Variants in ST6GAL1 observed in about 807,000 individuals in gnomAD.
ST6GAL1 encodes the protein beta-galactoside alpha-2,6-sialyltransferase 1.
A neutral mutation model predicts 38.0 loss-of-function variants in ST6GAL1; 20 were observed. The observed-to-expected ratio is 0.53, with a 90% CI of 0.37 to 0.77. ST6GAL1 has a LOEUF of 0.77. Among genes scored for constraint, ST6GAL1 ranks in the 30% least tolerant of loss-of-function variants. The pLI, the probability that ST6GAL1 is intolerant of heterozygous loss-of-function variation, is 0.00. For synonymous variants in ST6GAL1, 196 were observed against 188.2 expected, an observed-to-expected ratio of 1.04 and a Z score of -0.34; for missense variants, 432 against 496.4, an observed-to-expected ratio of 0.87 and a Z score of 1.23.
At chr3:186,988,561 G>C (rs1274559223) in intron 2 of ST6GAL1, among the ~76,000 whole-genome samples, 1 of 147,568 alleles carries the variant, frequency 6.8e-6, no homozygotes, top group Admixed American at 6.7e-5. Flanking sequence ...TGTGTGTTTT[G>C]GGGTGGGGGG....
intron 2 of ST6GAL1, among the ~76,000 whole-genome samples, chr3:187,007,315 T>C (rs893654958): frequency 1.3e-5 from 2 of 152,226 alleles, no homozygotes; most frequent in African/African-American, 4.8e-5. Flanking sequence ...ACAAAAGTCC[T>C]GGGCACACTA....
intron 1 of ST6GAL1, among the ~76,000 whole-genome samples, chr3:186,946,377 A>G (rs1714371061): frequency 6.7e-6 from 1 of 150,240 alleles, no homozygotes; most frequent in South Asian, 2.1e-4. Context: ...TTACTTTTAA[A>G]AAACTTATTA....
At chr3:187,057,562 T>G (rs1041038295) in intron 5 of ST6GAL1, among the ~76,000 whole-genome samples, 2 of 152,226 alleles carry the variant, frequency 1.3e-5, no homozygotes, top group African/African-American at 2.4e-5. Flanking sequence ...GCTGCAGGTC[T>G]GTTGGAGTTT....
intron 2 of ST6GAL1, among the ~76,000 whole-genome samples, chr3:186,995,679 A>C (rs1716379997): frequency 6.6e-6 from 1 of 151,458 alleles, no homozygotes; most frequent in Non-Finnish European, 1.5e-5. Flanking sequence ...CCCCATCTCT[A>C]CTAAACATAC....
At chr3:187,049,406 C>T (rs961969000) in intron 4 of ST6GAL1, among the ~76,000 whole-genome samples, 4 of 152,218 alleles carry the variant, frequency 2.6e-5, no homozygotes, top group Admixed American at 6.5e-5. Flanking sequence ...CAGTCTTGGT[C>T]CTGCTCTGTC....
chr3:187,036,866 C>CAT (rs764704821), intron 2 of ST6GAL1, among the ~76,000 whole-genome samples: 4 of 152,188 alleles, frequency 2.6e-5, no homozygotes, highest in Non-Finnish European at 5.9e-5. Flanking sequence ...AGCCTGCATA[C>CAT]ATACCCCCTG....
intron 1 of ST6GAL1, among the ~76,000 whole-genome samples, chr3:186,951,051 T>TTA (rs202030555): frequency 0.036 from 5,551 of 152,310 alleles, 146 homozygotes; most frequent in East Asian, 0.068. Context: ...TCATCCTGAA[T>TTA]GGTCCCACTC....
At chr3:187,073,993 C>A (rs566021186) in intron 6 of ST6GAL1, 166 bp from the exon 7 acceptor site, 7 of 567,764 alleles carry the variant, frequency 1.2e-5, no homozygotes, top group Non-Finnish European at 1.7e-5. Flanking sequence ...GTGAAACCTG[C>A]GGCTGGAAGA....
intron 1 of ST6GAL1, among the ~76,000 whole-genome samples, chr3:186,934,830 A>G (rs1440270655): frequency 2.0e-5 from 3 of 151,674 alleles, no homozygotes; most frequent in African/African-American, 7.3e-5. Context: ...GCAGTGGTGC[A>G]ATCTCGGCTC....
chr3:186,997,690 G>A (rs1282983714), intron 2 of ST6GAL1, among the ~76,000 whole-genome samples: 1 of 152,002 alleles, frequency 6.6e-6, no homozygotes, highest in Non-Finnish European at 1.5e-5. Context: ...CTGCGAGATC[G>A]AGGCTGCAGT....
At chr3:186,967,575 A>G (rs60378277) in intron 2 of ST6GAL1, among the ~76,000 whole-genome samples, 3,959 of 152,206 alleles carry the variant, frequency 0.026, 174 homozygotes, top group African/African-American at 0.09. Flanking sequence ...TTTGGAAGAT[A>G]CCTACTGAGG....
intron 2 of ST6GAL1, among the ~76,000 whole-genome samples, chr3:187,037,729 C>T (rs572740614): frequency 1.4e-4 from 22 of 152,068 alleles, no homozygotes; most frequent in African/African-American, 3.9e-4. Flanking sequence ...CAGGCATGCA[C>T]GCCTGGCTTA....
chr3:187,058,744 C>A (rs3774263), intron 5 of ST6GAL1, among the ~76,000 whole-genome samples: 1 of 151,744 alleles, frequency 6.6e-6, no homozygotes, highest in African/African-American at 2.4e-5. Flanking sequence ...TGGGTTCAAG[C>A]GATCCTCTTG....
chr3:187,070,669 C>T (rs1294208421), intron 5 of ST6GAL1, among the ~76,000 whole-genome samples: 4 of 151,960 alleles, frequency 2.6e-5, no homozygotes, highest in East Asian at 1.9e-4. Flanking sequence ...GTGATCCACC[C>T]GCCTCGGCCT....
intron 1 of ST6GAL1, among the ~76,000 whole-genome samples, chr3:186,936,564 CTAAG>C (rs547874797): frequency 1.3e-5 from 2 of 152,178 alleles, no homozygotes; most frequent in Non-Finnish European, 2.9e-5. Context: ...AGATGATTTT[CTAAG>C]TAATTATTAC....
chr3:186,985,592 C>T (rs1230939538), intron 2 of ST6GAL1, among the ~76,000 whole-genome samples: 4 of 147,244 alleles, frequency 2.7e-5, no homozygotes, highest in Admixed American at 6.8e-5. Flanking sequence ...GGCGAAACCC[C>T]GTCTCTTCAA....
chr3:186,993,138 T>A (rs2108546943), intron 2 of ST6GAL1, among the ~76,000 whole-genome samples: 1 of 152,300 alleles, frequency 6.6e-6, no homozygotes, highest in Non-Finnish European at 1.5e-5. Flanking sequence ...GGGTGGGGGC[T>A]GCCTTTGCAG....
chr3:187,043,309 CGGTATGTTCTGG>C lies in ST6GAL1; in HGVS notation c.607+3_607+14del. On this transcript the variant is annotated splice_donor_variant and splice_donor_5th_base_variant and coding_sequence_variant and intron_variant, in exon 4 of 8. Coordinates refer to ENST00000169298, the MANE Select transcript of ST6GAL1 (RefSeq NM_173216.2). LOFTEE classifies it high-confidence loss of function. Reference sequence around the variant, plus strand: ...AGTCCTCCCAACTAGGCAGAGAAATCGGTATGTTCTGGGGTTGTTCTGTGAATGGCAGTGCTT... The same window carrying C: ...AGTCCTCCCAACTAGGCAGAGAAATCGGTTGTTCTGTGAATGGCAGTGCTT... 1 of 1,612,116 alleles carries C rather than the reference CGGTATGTTCTGG, an allele frequency of 6.2e-7. No individual in the cohort carries two copies. Among genetic ancestry groups the C allele is most frequent in the Non-Finnish European group, 8.5e-7 (1 of 1,179,234 alleles).
At chr3:187,050,938 C>T (rs1344495012) in intron 4 of ST6GAL1, among the ~76,000 whole-genome samples, 2 of 152,204 alleles carry the variant, frequency 1.3e-5, no homozygotes, top group Non-Finnish European at 1.5e-5. Flanking sequence ...AGCTACTCCA[C>T]TGTAAGTAGC....
Sources: allele counts gnomAD v4.1 joint callset (sites outside exome capture counted in the v4.1 genomes callset), GRCh38; gene constraint gnomAD v4.1.1; transcripts MANE v1.5; gene names NCBI Gene and HGNC (gene_info 2026-07-23, HGNC 2026-07-21).